PARP15: variants seen among roughly 807,000 people sequenced by gnomAD.
The protein encoded by PARP15 is poly(ADP-ribose) polymerase family member 15, also known as protein mono-ADP-ribosyltransferase PARP15.
Under a neutral mutation model 62.1 loss-of-function variants are expected in PARP15, and 50 were observed. The observed-to-expected ratio is 0.81, with a 90% CI of 0.64 to 1.02. The LOEUF (loss-of-function observed/expected upper bound fraction) is 1.02, where lower values mean the gene tolerates loss of function less well. Ranked by LOEUF, PARP15 falls within the 50% of genes least tolerant of loss-of-function variation. The pLI, the probability that PARP15 is intolerant of heterozygous loss-of-function variation, is 0.00. For synonymous variants in PARP15, 309 were observed against 293.1 expected (o/e 1.05, Z -0.55); for missense variants, 820 against 826.5 (o/e 0.99, Z 0.10).
chr3:122,591,154 TC>T (rs1234991628), intron 1 of PARP15, among the ~76,000 whole-genome samples: 2 of 152,232 alleles, frequency 1.3e-5, no homozygotes, highest in Non-Finnish European at 2.9e-5. Context: ...CCAAATCCTT[TC>T]AAATCTCAAA....
chr3:122,612,089 T>A (rs1056030118), intron 3 of PARP15, among the ~76,000 whole-genome samples: 3 of 146,048 alleles, frequency 2.1e-5, no homozygotes, highest in Non-Finnish European at 4.5e-5. Flanking sequence ...AGGGTCCCAC[T>A]CTATTGCCCA....
At chr3:122,616,523 G>A (rs760208167) in intron 5 of PARP15, among the ~76,000 whole-genome samples, 6 of 151,876 alleles carry the variant, frequency 4.0e-5, no homozygotes, top group African/African-American at 7.3e-5. Flanking sequence ...GTAAACACAC[G>A]GTTTCACCAT....
intron 1 of PARP15, among the ~76,000 whole-genome samples, chr3:122,583,673 G>A (rs1435498286): frequency 3.9e-5 from 6 of 152,308 alleles, no homozygotes; most frequent in African/African-American, 1.4e-4. Flanking sequence ...TTAGGCAGGA[G>A]CAGAGTGATC....
chr3:122,582,953 C>G (rs868176482), intron 1 of PARP15, among the ~76,000 whole-genome samples: 1 of 151,288 alleles, frequency 6.6e-6, no homozygotes, highest in African/African-American at 2.4e-5. Flanking sequence ...TCTTTTTTAC[C>G]TCAGGCATTG....
intron 1 of PARP15, among the ~76,000 whole-genome samples, chr3:122,581,995 TA>T (rs1012804562): frequency 6.6e-6 from 1 of 152,188 alleles, no homozygotes; most frequent in Non-Finnish European, 1.5e-5. Flanking sequence ...AAAAGTGACT[TA>T]AAAAATTAGA....
intron 2 of PARP15, among the ~76,000 whole-genome samples, chr3:122,608,070 A>G (rs1329852228): frequency 6.6e-6 from 1 of 152,178 alleles, no homozygotes; most frequent in Non-Finnish European, 1.5e-5. Flanking sequence ...AGTCCAAAAA[A>G]GTGTGGCTTT....
intron 11 of PARP15, 28 bp downstream of exon 11, chr3:122,635,222 A>G (rs1166546943): frequency 3.7e-6 from 6 of 1,602,984 alleles, no homozygotes; most frequent in Admixed American, 1.7e-5. Context: ...TTGGCTGATC[A>G]GAATAAGGCA....
chr3:122,614,543 T>C (rs1487845096), intron 4 of PARP15, among the ~76,000 whole-genome samples: 1 of 152,156 alleles, frequency 6.6e-6, no homozygotes, highest in Non-Finnish European at 1.5e-5. Flanking sequence ...TTAGTTTTTT[T>C]CCCCCGGTAA....
At chr3:122,631,364 C>T (rs1937051032) in intron 9 of PARP15, among the ~76,000 whole-genome samples, 1 of 152,212 alleles carries the variant, frequency 6.6e-6, no homozygotes, top group Non-Finnish European at 1.5e-5. Flanking sequence ...ATCCCTCTCT[C>T]AGGCCAGGTA....
In PARP15 at chr3:122,580,003, A is replaced by ATATATG. The variant is rs1553725429; in HGVS notation, c.186+2155_186+2156insGTATAT. ...GAACAACAACAGCAACTATATGTATATATATATATATATATATATATATAT... is the reference window on the plus strand; with the variant it reads ...GAACAACAACAGCAACTATATGTATATATATGTATATATATATATATATATATATAT... On this transcript the variant is annotated intron_variant, in intron 1 of 11. Transcript: ENST00000464300. 7.4e-5 allele frequency among the ~76,000 whole-genome samples: 7 copies of ATATATG among 94,240 alleles called. 1 individual carries two copies. The highest frequency in any genetic ancestry group is 2.6e-4 in the African/African-American group (7 of 26,508). The allele number at this position is 94,240 out of a possible 152,430, so 61.8% of individuals were successfully genotyped here.
At chr3:122,635,754 T>A in intron 11 of PARP15, 57 bp from the exon 12 acceptor site, 1 of 1,553,154 alleles carries the variant, frequency 6.4e-7, no homozygotes, top group Non-Finnish European at 8.7e-7. Context: ...TTGGGCATGG[T>A]TCTACACATT....
At chr3:122,600,765 T>C (rs1163052965) in intron 1 of PARP15, among the ~76,000 whole-genome samples, 2 of 151,860 alleles carry the variant, frequency 1.3e-5, no homozygotes, top group African/African-American at 4.8e-5. Context: ...ATGTTTCTAT[T>C]AGTATTGCCC....
intron 10 of PARP15, among the ~76,000 whole-genome samples, chr3:122,633,070 A>C (rs1937150019): frequency 6.6e-6 from 1 of 152,166 alleles, no homozygotes. Flanking sequence ...CTTCCATAGA[A>C]CTGTGTACTT....
At chr3:122,595,552 T>C (rs1252311370) in intron 1 of PARP15, among the ~76,000 whole-genome samples, 1 of 152,204 alleles carries the variant, frequency 6.6e-6, no homozygotes, top group African/African-American at 2.4e-5. Context: ...TGGCTGCTTT[T>C]TGTTGGTTTG....
At chr3:122,589,067 A>G (rs1933669138) in intron 1 of PARP15, among the ~76,000 whole-genome samples, 1 of 152,184 alleles carries the variant, frequency 6.6e-6, no homozygotes, top group Admixed American at 6.5e-5. Flanking sequence ...GGGCTGCTGT[A>G]TCAAATATCA....
chr3:122,627,154 T>G, intron 9 of PARP15, 121 bp downstream of exon 9: 1 of 843,888 alleles, frequency 1.2e-6, no homozygotes, highest in Non-Finnish European at 1.8e-6. Context: ...TTCAGACAAC[T>G]TCTTATGATC....
chr3:122,617,217 G>T, intron 6 of PARP15, 53 bp downstream of exon 6: 2 of 1,530,058 alleles, frequency 1.3e-6, no homozygotes, highest in South Asian at 1.2e-5. Flanking sequence ...ATTTCTGGAA[G>T]GGAAATTGTG....
chr3:122,605,815 C>G, intron 1 of PARP15, 121 bp from the exon 2 acceptor site: 1 of 971,842 alleles, frequency 1.0e-6, no homozygotes, highest in South Asian at 1.8e-5. Flanking sequence ...CTCCTGGGCT[C>G]AAGTGATTCT....
At chr3:122,588,546 T>C (rs1933631112) in intron 1 of PARP15, among the ~76,000 whole-genome samples, 1 of 152,160 alleles carries the variant, frequency 6.6e-6, no homozygotes, top group African/African-American at 2.4e-5. Context: ...TAATCCCTGC[T>C]ACTTCAGAAG....
Sources: gnomAD v4.1 joint callset for allele counts (sites outside exome capture counted in the v4.1 genomes callset) on GRCh38, gnomAD v4.1.1 for gene constraint, MANE v1.5 for transcripts, NCBI Gene and HGNC (gene_info 2026-07-23, HGNC 2026-07-21) for gene names.